MTMR8: variants seen among roughly 807,000 people sequenced by gnomAD.
MTMR8 encodes the protein phosphatidylinositol-3,5-bisphosphate 3-phosphatase MTMR8.
In MTMR8, 65 loss-of-function variants were observed where a neutral mutation model predicts 39.3. The observed-to-expected ratio is 1.65, with a 90% CI of 1.35 to 2.03. The LOEUF is 2.03. Among genes scored for constraint, MTMR8 ranks in the 30% most tolerant of loss-of-function variants. The pLI is 0.00. For missense variants in MTMR8, 777 were observed against 538.9 expected, an observed-to-expected ratio of 1.44 and a Z score of -4.37; for synonymous variants, 245 against 185.2, an observed-to-expected ratio of 1.32 and a Z score of -2.62.
chrX:64,326,325 A>C (rs1238735455), intron 12 of MTMR8, among the ~76,000 whole-genome samples: 1 of 111,865 alleles, frequency 8.9e-6, no homozygotes, highest in Non-Finnish European at 1.9e-5. Context: ...GACTCCACCA[A>C]AAAACTGCTA....
chrX:64,291,080 T>C (rs1367329018), intron 12 of MTMR8, among the ~76,000 whole-genome samples: 1 of 111,685 alleles, frequency 9.0e-6, no homozygotes, highest in Non-Finnish European at 1.9e-5. Context: ...TATTTCATAT[T>C]TCTATTACAT....
Position 64,338,983 on chromosome X carries a change from G to A in MTMR8, c.976-1590C>T, listed in dbSNP as rs1923147551. Among the ~76,000 whole-genome samples the A allele has an allele frequency of 4.5e-5, 5 of 111,327 alleles. No individual in the cohort carries two copies. In the South Asian group the frequency reaches 1.9e-3, roughly 43 times the overall value. On this transcript the variant is annotated intron_variant, in intron 8 of 13. Coordinates refer to ENST00000374852, the MANE Select transcript of MTMR8 (RefSeq NM_017677.4). ...AAGTTTTAGGTAGTAGTGGTGGTAT[G>A]TAAGAAGATTTATGTTTTGGCCATG... is the stretch of plus-strand genomic sequence containing the variant.
In MTMR8 at chrX:64,311,318, C is replaced by A. The variant is rs143159947; in HGVS notation, c.1481+17454G>T. On this transcript the variant is annotated intron_variant, in intron 12 of 13. Coordinates refer to ENST00000374852, the MANE Select transcript of MTMR8 (RefSeq NM_017677.4). ...TCTTCTTTTGAGACGTGTCTGTTCA[C>A]ATGCTTTGCCCACTTTTTGATGGGG... Among the ~76,000 whole-genome samples the A allele has an allele frequency of 4.2e-3, 469 of 111,619 alleles. 5 individuals are homozygous for A. The highest frequency in any genetic ancestry group is 0.015 in the African/African-American group (447 of 30,730).
chrX:64,367,415 T>C (rs1924000707), intron 1 of MTMR8, among the ~76,000 whole-genome samples: 1 of 111,877 alleles, frequency 8.9e-6, no homozygotes, highest in Non-Finnish European at 1.9e-5. Flanking sequence ...TCCACCATGA[T>C]CAATTTGGCT....
intron 1 of MTMR8, among the ~76,000 whole-genome samples, chrX:64,365,226 G>T (rs900839316): frequency 7.2e-5 from 8 of 110,690 alleles, no homozygotes; most frequent in African/African-American, 9.9e-5. Context: ...CCTAGCAAGG[G>T]AGGCCAACAT....
At chrX:64,394,453 T>C (rs1924770889) in intron 1 of MTMR8, among the ~76,000 whole-genome samples, 1 of 111,942 alleles carries the variant, frequency 8.9e-6, no homozygotes, top group Non-Finnish European at 1.9e-5. Context: ...CTCTTTCCAT[T>C]AAAAACACGC....
At chrX:64,270,175 A>G (rs1366938473) in intron 13 of MTMR8, among the ~76,000 whole-genome samples, 1 of 111,424 alleles carries the variant, frequency 9.0e-6, no homozygotes, top group African/African-American at 3.3e-5. Context: ...AAAAAATGGA[A>G]CCAAGTAACT....
chrX:64,364,339 G>A (rs764621878), intron 1 of MTMR8, among the ~76,000 whole-genome samples: 32 of 112,120 alleles, frequency 2.9e-4, no homozygotes, highest in Non-Finnish European at 4.9e-4. Flanking sequence ...CCCAGTAGGG[G>A]CCGAATGATA....
chrX:64,311,767 CTTT>C (rs1193336126), intron 12 of MTMR8, among the ~76,000 whole-genome samples: 3 of 80,915 alleles, frequency 3.7e-5, no homozygotes, highest in African/African-American at 9.6e-5. Flanking sequence ...TTCCCCATTG[CTTT>C]TTTTTTTTTT....
chrX:64,385,788 C>T (rs1924541787), intron 1 of MTMR8, among the ~76,000 whole-genome samples: 1 of 111,188 alleles, frequency 9.0e-6, no homozygotes, highest in Non-Finnish European at 1.9e-5. Flanking sequence ...AGAAGTCCAT[C>T]CCCATGATCC....
intron 12 of MTMR8, among the ~76,000 whole-genome samples, chrX:64,302,636 A>T (rs1036708912): frequency 7.1e-5 from 8 of 112,758 alleles, no homozygotes; most frequent in Non-Finnish European, 1.3e-4. Context: ...TTAGGAACCC[A>T]TTAGCTGAAA....
intron 12 of MTMR8, among the ~76,000 whole-genome samples, chrX:64,302,928 C>T (rs914215456): frequency 1.8e-5 from 2 of 112,294 alleles, no homozygotes; most frequent in African/African-American, 6.5e-5. Context: ...TTCCTTAGCC[C>T]TCCTCCCCTT....
intron 12 of MTMR8, among the ~76,000 whole-genome samples, chrX:64,303,629 A>T (rs771705508): frequency 1.8e-5 from 2 of 112,556 alleles, no homozygotes; most frequent in Non-Finnish European, 3.7e-5. Context: ...TGTATAAATT[A>T]CATCACATTT....
At chrX:64,323,056 T>A (rs753801808) in intron 12 of MTMR8, among the ~76,000 whole-genome samples, 1 of 112,224 alleles carries the variant, frequency 8.9e-6, no homozygotes, top group South Asian at 3.7e-4. Context: ...CCCAAGTTGG[T>A]GATTTGGCCC....
At chrX:64,337,118 T>C (rs1923096933) in intron 9 of MTMR8, 150 bp downstream of exon 9, 1 of 556,747 alleles carries the variant, frequency 1.8e-6, no homozygotes, top group East Asian at 3.7e-5. Context: ...AGTACACACC[T>C]AAATTTAATG....
At chrX:64,343,757 A>T (rs1221584216) in intron 7 of MTMR8, 37 bp from the exon 8 acceptor site, 1 of 972,843 alleles carries the variant, frequency 1.0e-6, no homozygotes, top group East Asian at 3.2e-5. Flanking sequence ...GAAATTCACA[A>T]TCAACTCAGT....
intron 12 of MTMR8, among the ~76,000 whole-genome samples, chrX:64,297,553 T>G (rs1426625107): frequency 1.1e-5 from 1 of 89,112 alleles, no homozygotes; most frequent in African/African-American, 4.2e-5. Flanking sequence ...CTGATGGTAG[T>G]TTCTTTTGCT....
At chrX:64,334,923 C>A (rs769370621) in intron 10 of MTMR8, among the ~76,000 whole-genome samples, 13 of 111,825 alleles carry the variant, frequency 1.2e-4, no homozygotes, top group South Asian at 1.1e-3. Context: ...ACTGATTTTT[C>A]TTTTCTTTCA....
intron 1 of MTMR8, among the ~76,000 whole-genome samples, chrX:64,369,541 A>G (rs926323237): frequency 2.7e-5 from 3 of 110,460 alleles, no homozygotes; most frequent in Admixed American, 1.9e-4. Context: ...GCATGTTCTC[A>G]CTCACAGGTG....
Sources: gnomAD v4.1 joint callset for allele counts (sites outside exome capture counted in the v4.1 genomes callset) on GRCh38, gnomAD v4.1.1 for gene constraint, MANE v1.5 for transcripts, NCBI Gene and HGNC (gene_info 2026-07-23, HGNC 2026-07-21) for gene names.